Variants in RGS6 observed in about 807,000 individuals in gnomAD.
RGS6 encodes regulator of G-protein signaling 6.
Under a neutral mutation model 78.5 loss-of-function variants are expected in RGS6, and 30 were observed. The ratio of observed to expected loss-of-function variants is 0.38; its 90% CI spans 0.29 to 0.52. RGS6 has a LOEUF of 0.52. Among genes scored for constraint, RGS6 ranks in the 20% least tolerant of loss-of-function variants. RGS6 has a pLI of 0.85. For synonymous variants in RGS6, 206 were observed against 206.0 expected (o/e 1.00, Z 0.00); for missense variants, 495 against 609.7 (o/e 0.81, Z 1.98).
intron 2 of RGS6, among the ~76,000 whole-genome samples, chr14:72,104,436 T>C (rs1323673180): frequency 1.3e-5 from 2 of 152,256 alleles, no homozygotes; most frequent in Non-Finnish European, 2.9e-5. Flanking sequence ...AAACTAATTA[T>C]GCTTGCTCAT....
At chr14:72,361,089 TTTTTTTTTTTTTTCATAAATTACCCAGTC>T (rs2081365400) in intron 3 of RGS6, among the ~76,000 whole-genome samples, 1 of 59,454 alleles carries the variant, frequency 1.7e-5, no homozygotes, top group Non-Finnish European at 2.9e-5. Context: ...ACCTCTTTTT[TTTTTTTTTTTTTTCATAAATTACCCAGTC>T]TTGGGTATAT....
At chr14:71,874,146 A>G in the RGS6 span, among the ~76,000 whole-genome samples, 1 of 152,154 alleles carries the variant, frequency 6.6e-6, no homozygotes, top group Middle Eastern at 3.2e-3. Context: ...GTTCCATATG[A>G]ACTTTAAAGT....
chr14:71,924,621 C>G, the RGS6 span, among the ~76,000 whole-genome samples: 14 of 152,138 alleles, frequency 9.2e-5, no homozygotes, highest in Non-Finnish European at 7.4e-5. Flanking sequence ...TTTAAAGATT[C>G]CACATATAAG....
intron 2 of RGS6, among the ~76,000 whole-genome samples, chr14:72,186,534 C>T (rs1420907760): frequency 1.3e-5 from 2 of 152,070 alleles, no homozygotes; most frequent in East Asian, 3.9e-4. Context: ...TCTAATTGGC[C>T]AACTTTGAGT....
chr14:72,425,498 C>T (rs1028667034), intron 3 of RGS6, among the ~76,000 whole-genome samples: 2 of 152,148 alleles, frequency 1.3e-5, no homozygotes, highest in Admixed American at 6.5e-5. Flanking sequence ...TAATACTTAA[C>T]GAATTCCTGT....
At chr14:72,026,476 T>C (rs945344888) in intron 2 of RGS6, among the ~76,000 whole-genome samples, 3 of 152,216 alleles carry the variant, frequency 2.0e-5, no homozygotes, top group African/African-American at 7.2e-5. Context: ...ACAACTTGTC[T>C]TAGTGAAAGT....
intron 2 of RGS6, among the ~76,000 whole-genome samples, chr14:72,233,037 C>G (rs2050056798): frequency 6.6e-6 from 1 of 152,160 alleles, no homozygotes; most frequent in Admixed American, 6.5e-5. Flanking sequence ...ATGCTTAACT[C>G]CTGAAGAAGC....
chr14:72,623,646 A>G, the RGS6 span, among the ~76,000 whole-genome samples: 4 of 152,260 alleles, frequency 2.6e-5, no homozygotes, highest in South Asian at 2.1e-4. Context: ...ATGTAGGCCA[A>G]TGAAGTTAAG....
At chr14:72,265,816 G>C (rs1266287068) in intron 2 of RGS6, among the ~76,000 whole-genome samples, 2 of 152,042 alleles carry the variant, frequency 1.3e-5, no homozygotes, top group Non-Finnish European at 2.9e-5. Context: ...CAAGCTGCCT[G>C]TGCAAAGCCT....
At chr14:72,499,313 G>A (rs1402623952) in intron 13 of RGS6, among the ~76,000 whole-genome samples, 3 of 152,172 alleles carry the variant, frequency 2.0e-5, no homozygotes, top group African/African-American at 7.2e-5. Context: ...CTGTCCATAT[G>A]AGAAGCTGGC....
chr14:71,937,779 C>A (rs926767225), intron 1 of RGS6, among the ~76,000 whole-genome samples: 1 of 152,198 alleles, frequency 6.6e-6, no homozygotes, highest in South Asian at 2.1e-4. Context: ...AACCCATATC[C>A]GGAGTAAATG....
intron 15 of RGS6, among the ~76,000 whole-genome samples, chr14:72,522,526 T>C (rs1451042525): frequency 6.6e-6 from 1 of 152,224 alleles, no homozygotes; most frequent in Non-Finnish European, 1.5e-5. Flanking sequence ...TTGTGAGTCA[T>C]GTGGTCTATG....
chr14:72,353,814 C>T (rs1270021994), intron 3 of RGS6, among the ~76,000 whole-genome samples: 2 of 152,046 alleles, frequency 1.3e-5, no homozygotes, highest in Non-Finnish European at 2.9e-5. Flanking sequence ...AAAACCCCAT[C>T]TTTACTAAAA....
intron 3 of RGS6, among the ~76,000 whole-genome samples, chr14:72,365,476 T>C (rs2079122730): frequency 6.6e-6 from 1 of 152,202 alleles, no homozygotes; most frequent in Non-Finnish European, 1.5e-5. Flanking sequence ...GGTGTGTTTG[T>C]TTACAACCTT....
intron 2 of RGS6, among the ~76,000 whole-genome samples, chr14:72,088,538 A>G (rs2095142492): frequency 6.6e-6 from 1 of 152,150 alleles, no homozygotes; most frequent in South Asian, 2.1e-4. Context: ...ATTGACATCA[A>G]GCTACCATCA....
intron 13 of RGS6, among the ~76,000 whole-genome samples, chr14:72,503,693 C>G (rs1361446201): frequency 6.6e-6 from 1 of 152,248 alleles, no homozygotes; most frequent in Non-Finnish European, 1.5e-5. Flanking sequence ...TTCTCTTTGG[C>G]TCAATGCTCT....
chr14:72,423,834 C>A (rs2283383), intron 3 of RGS6, among the ~76,000 whole-genome samples: 72,570 of 151,906 alleles, frequency 0.48, 18,528 homozygotes, highest in East Asian at 0.87. Flanking sequence ...AAAGTCAAAA[C>A]AAAATATTCA....
At chr14:72,420,484 G>T (rs1450406428) in intron 3 of RGS6, among the ~76,000 whole-genome samples, 1 of 152,166 alleles carries the variant, frequency 6.6e-6, no homozygotes, top group Non-Finnish European at 1.5e-5. Flanking sequence ...TGCATAATTT[G>T]TGAGGTCTGG....
intron 12 of RGS6, among the ~76,000 whole-genome samples, chr14:72,494,000 A>C (rs895748161): frequency 2.0e-4 from 31 of 152,224 alleles, no homozygotes; most frequent in Non-Finnish European, 3.8e-4. Flanking sequence ...TTTTCAACAC[A>C]GAAGTGAAGG....
Sources: gnomAD v4.1 joint callset for allele counts (sites outside exome capture counted in the v4.1 genomes callset) on GRCh38, gnomAD v4.1.1 for gene constraint, MANE v1.5 for transcripts, NCBI Gene and HGNC (gene_info 2026-07-23, HGNC 2026-07-21) for gene names.